CEP76: variants seen among roughly 807,000 people sequenced by gnomAD.
CEP76 encodes the protein centrosomal protein of 76 kDa.
CEP76 carries 55 observed loss-of-function variants against 83.3 expected under a neutral mutation model. That is an observed-to-expected ratio of 0.66 (90% CI 0.53 to 0.83). The LOEUF (loss-of-function observed/expected upper bound fraction) is 0.83. Among genes scored for constraint, CEP76 ranks in the 40% least tolerant of loss-of-function variants. The pLI is 0.00. For synonymous variants in CEP76, 270 were observed against 274.5 expected (o/e 0.98, Z 0.16); for missense variants, 694 against 799.5 (o/e 0.87, Z 1.59).
At chr18:12,674,873 TA>T (rs2039066978) in intron 10 of CEP76, 120 bp from the exon 11 acceptor site, 1 of 544,426 alleles carries the variant, frequency 1.8e-6, no homozygotes, top group East Asian at 3.1e-5. Context: ...GCTATCATAA[TA>T]TTTTAATAAT....
rs777606613 is a variant in CEP76 at position 12,695,266 on chromosome 18, T to C, written c.792A>G (p.Val264=). 22 of 1,498,116 alleles carry C rather than the reference T, an allele frequency of 1.5e-5. No homozygotes were observed. The Admixed American group carries it at 2.3e-4, about 16-fold the overall frequency. 92.8% of individuals were successfully genotyped at this position (1,498,116 alleles called of 1,614,324 possible). A position where few individuals can be genotyped will look rare whatever the true frequency, so the allele number is the denominator to read the frequency against. The change falls in exon 6 of 12, where the codon GTA becomes GTG. Residue 264 remains valine (V), a synonymous_variant. Coordinates refer to ENST00000262127, the MANE Select transcript of CEP76 (RefSeq NM_024899.4). ...PPLNQTLSQE[V]VNTQLALERQ... ...CATAAGTATTTACCTGTGTGTTCAC[T>C]ACTTCTTGAGATAACGTTTGATTGA... is the stretch of plus-strand genomic sequence containing the variant.
At chr18:12,697,113 A>G in intron 5 of CEP76, 110 bp downstream of exon 5, 1 of 780,450 alleles carries the variant, frequency 1.3e-6, no homozygotes. Context: ...ACGAAATTCT[A>G]TTTTACAGGT....
chr18:12,683,170 T>C (rs2039409837), intron 8 of CEP76, among the ~76,000 whole-genome samples: 2 of 92,996 alleles, frequency 2.2e-5, no homozygotes, highest in Non-Finnish European at 4.6e-5. Flanking sequence ...AGAAACCCCA[T>C]CTCTACTAAA....
intron 10 of CEP76, among the ~76,000 whole-genome samples, chr18:12,677,114 T>G (rs2039163670): frequency 6.6e-6 from 1 of 152,196 alleles, no homozygotes. Context: ...TTTTTATGTC[T>G]TCTTAAAAGC....
At chr18:12,679,238 C>A (rs2039258711) in intron 9 of CEP76, 1 of 152,170 alleles carries the variant, frequency 6.6e-6, no homozygotes, top group African/African-American at 2.4e-5. Context: ...GTGAGACAGC[C>A]AGGTGGAAAG....
intron 7 of CEP76, 98 bp downstream of exon 7, chr18:12,691,261 T>C: frequency 4.0e-6 from 3 of 752,928 alleles, no homozygotes; most frequent in South Asian, 6.3e-5. Flanking sequence ...CTTTTATTTT[T>C]TGGAATACAT....
At chr18:12,693,186 C>CTT (rs1390590517) in intron 6 of CEP76, among the ~76,000 whole-genome samples, 3 of 152,008 alleles carry the variant, frequency 2.0e-5, no homozygotes. Context: ...ATAGAATAAA[C>CTT]TTATGTTTTA....
chr18:12,697,219 A>G lies in CEP76; in HGVS notation c.706+4T>C, dbSNP rs2039987701. Reference sequence around the variant, plus strand: ...GGTTAACAATGATATATTAATCACCATACCTACACCCATAAGTTCCACAGT... The same window carrying G: ...GGTTAACAATGATATATTAATCACCGTACCTACACCCATAAGTTCCACAGT... On this transcript the variant is annotated splice_donor_region_variant and intron_variant, in intron 5 of 11. Transcript: ENST00000262127. The G allele has an allele frequency of 6.3e-7, 1 of 1,598,488 alleles. No homozygotes were observed. The highest frequency in any genetic ancestry group is 1.7e-4 in the Middle Eastern group (1 of 6,010).
intron 12 of CEP76, among the ~76,000 whole-genome samples, chr18:12,663,760 T>G (rs1448237372): frequency 6.6e-6 from 1 of 152,140 alleles, no homozygotes; most frequent in Non-Finnish European, 1.5e-5. Context: ...TAATTTTTCC[T>G]GATTGATTGT....
At position 12,694,098 on chromosome 18, in the gene CEP76, G is replaced by A. The variant is rs1207032408; in HGVS notation, c.804+1156C>T. Among the ~76,000 whole-genome samples the A allele has an allele frequency of 2.6e-5, 4 of 152,168 alleles. No homozygotes were observed. In the East Asian group the frequency reaches 7.7e-4, roughly 29 times the overall value. ...GATCCACCCACCTTAGCCTCCCACAGGGCTGGGTATTTATTTGAGTAACAT... is the reference window on the plus strand; with the variant it reads ...GATCCACCCACCTTAGCCTCCCACAAGGCTGGGTATTTATTTGAGTAACAT... On this transcript the variant is annotated intron_variant, in intron 6 of 11. Coordinates refer to ENST00000262127, the MANE Select transcript of CEP76 (RefSeq NM_024899.4).
At chr18:12,700,139 A>C (rs2040102343) in intron 2 of CEP76, 3 of 316,470 alleles carry the variant, frequency 9.5e-6, no homozygotes, top group Non-Finnish European at 1.7e-5. Context: ...TCTTCAAGTA[A>C]TACTATCCAC....
chr18:12,664,211 G>A (rs1057053214), intron 12 of CEP76, among the ~76,000 whole-genome samples: 1 of 151,940 alleles, frequency 6.6e-6, no homozygotes, highest in Non-Finnish European at 1.5e-5. Flanking sequence ...AATGGGCCGG[G>A]ACTACAGGGA....
In CEP76 at chr18:12,697,427, C is replaced by T. The variant is rs200419906; in HGVS notation, c.521-19G>A. The stretch of plus-strand genomic sequence containing the variant: ...CCATCACCTAGCAATATAATCCAAA[C>T]GAAATTATACCACACTACATATTCA... On this transcript the variant is annotated intron_variant, in intron 4 of 11. Transcript: ENST00000262127. 62 of 1,535,116 alleles carry T rather than the reference C, an allele frequency of 4.0e-5. No individual in the cohort carries two copies. Among genetic ancestry groups the T allele is most frequent in the Non-Finnish European group, 4.7e-5 (53 of 1,121,990 alleles).
downstream of CEP76, among the ~76,000 whole-genome samples, chr18:12,671,642 C>CT (rs869130220): frequency 0.13 from 7,504 of 55,678 alleles, 533 homozygotes; most frequent in Non-Finnish European, 0.15. Flanking sequence ...TTCACACTTT[C>CT]TTTTTTTTTT....
rs369158202 is a variant in CEP76 at position 12,672,666 on chromosome 18, CAA to C, written c.*697_*698del. 321 of 981,272 alleles carry C rather than the reference CAA, an allele frequency of 3.3e-4. 1 individual carries two copies. In the African/African-American group the frequency reaches 5.1e-3, roughly 16 times the overall value. The allele number at this position is 981,272 out of a possible 1,614,324, so 60.8% of individuals were successfully genotyped here. On this transcript the variant is annotated 3_prime_UTR_variant, in exon 12 of 12. Transcript: ENST00000262127. ...AGATCACAATTTATCAGTATCATAA[CAA>C]AGAGGTATAATAAAGTTTTTCTAAA... is the stretch of plus-strand genomic sequence containing the variant.
chr18:12,693,008 G>C (rs1255967863), intron 6 of CEP76, among the ~76,000 whole-genome samples: 1 of 152,086 alleles, frequency 6.6e-6, no homozygotes, highest in Non-Finnish European at 1.5e-5. Context: ...AATTTTTGTA[G>C]AGATGAAGTC....
chr18:12,670,100 C>A (rs1302192888), downstream of CEP76, among the ~76,000 whole-genome samples: 1 of 152,080 alleles, frequency 6.6e-6, no homozygotes, highest in Non-Finnish European at 1.5e-5. Flanking sequence ...GAGGCCAAGG[C>A]AGGTGGATTG....
downstream of CEP76, among the ~76,000 whole-genome samples, chr18:12,669,407 T>A (rs2038883858): frequency 6.6e-6 from 1 of 151,926 alleles, no homozygotes; most frequent in African/African-American, 2.4e-5. Context: ...CCACCGCGCC[T>A]GGCCCCAATT....
chr18:12,664,549 C>CA lies in CEP76; in HGVS notation c.*1728-2381dup, dbSNP rs1412003104. On this transcript the variant is annotated intron_variant and NMD_transcript_variant, in intron 12 of 12. Coordinates refer to the CEP76 transcript ENST00000590143. ...TGGGTGACAGAGCGAGACTCCGTCT[C>CA]AAAAAAAACAAAATTTGTAGAGAAG... 3.0e-3 allele frequency among the ~76,000 whole-genome samples: 435 copies of CA among 147,014 alleles called. 3 individuals are homozygous for CA. Among genetic ancestry groups the CA allele is most frequent in the African/African-American group, 9.2e-3 (368 of 40,064 alleles).
Sources: gnomAD v4.1 joint callset for allele counts (sites outside exome capture counted in the v4.1 genomes callset) on GRCh38, gnomAD v4.1.1 for gene constraint, MANE v1.5 for transcripts, NCBI Gene and HGNC (gene_info 2026-07-23, HGNC 2026-07-21) for gene names.